GRIN1: variants seen among roughly 807,000 people sequenced by gnomAD.
The protein encoded by GRIN1 is glutamate ionotropic receptor NMDA type subunit 1.
A neutral mutation model predicts 103.0 loss-of-function variants in GRIN1; 38 were observed. The ratio of observed to expected loss-of-function variants is 0.37; its 90% CI spans 0.28 to 0.48. The LOEUF is 0.48. GRIN1 is among the 20% of genes least tolerant of loss of function. The pLI, the probability that GRIN1 is intolerant of heterozygous loss-of-function variation, is 0.98. For synonymous variants in GRIN1, 544 were observed against 532.7 expected (o/e 1.02, Z -0.29); for missense variants, 577 against 1,288.9 (o/e 0.45, Z 8.46).
In GRIN1 at chr9:137,146,888, G is replaced by A. The variant is rs1198034868; in HGVS notation, c.570+986G>A. ...CCAGAGGGCATGGGTCGGGGGTAAA[G>A]CCAGGGGCAGACCAGAGGGTCCTGG... On this transcript the variant is annotated intron_variant, in intron 3 of 19. Transcript: ENST00000371561. This position sits in a 1 kb window ranked among gnomAD's most constrained non-coding sequence, Gnocchi z 6.7. Among the ~76,000 whole-genome samples the A allele has an allele frequency of 2.6e-5, 4 of 152,090 alleles. No individual in the cohort carries two copies. Among genetic ancestry groups the A allele is most frequent in the Non-Finnish European group, 4.4e-5 (3 of 67,982 alleles).
intron 18 of GRIN1, chr9:137,164,778 C>T: frequency 3.8e-6 from 1 of 260,922 alleles, no homozygotes; most frequent in Non-Finnish European, 7.5e-6. Context: ...GCCCTCGGCC[C>T]CTTCCTGAAT....
In GRIN1 at chr9:137,167,509, C is replaced by T. The variant is rs201012245; in HGVS notation, c.2799C>T (p.Ser933=). 3.3e-4 allele frequency: 519 copies of T among 1,554,878 alleles called. No individual in the cohort carries two copies. Among genetic ancestry groups the T allele is most frequent in the Admixed American group, 8.1e-4 (42 of 51,860 alleles). Residue 933 remains serine, a synonymous_variant, in exon 20 of 20, where the codon TCC becomes TCT. Transcript: ENST00000371561. ...EREEGQLQLC[S]RHRES ...AGGAGGGCCAGCTGCAGCTGTGTTC[C>T]CGTCATAGGGAGAGCTGAGACTCCC... is the stretch of plus-strand genomic sequence containing the variant.
At chr9:137,154,432 C>CTTTTTTTTTTTT (rs543160973) in intron 4 of GRIN1, among the ~76,000 whole-genome samples, 1 of 42,960 alleles carries the variant, frequency 2.3e-5, no homozygotes, top group African/African-American at 9.4e-5. Flanking sequence ...GCTCCAACAA[C>CTTTTTTTTTTTT]TTTTTTTTTT....
chr9:137,165,529 C>T (rs1833824602), intron 19 of GRIN1: 2 of 565,820 alleles, frequency 3.5e-6, no homozygotes, highest in Non-Finnish European at 6.4e-6. Flanking sequence ...CGTTAGTCTG[C>T]CCGCCCACCT....
intron 2 of GRIN1, among the ~76,000 whole-genome samples, chr9:137,142,793 G>A (rs545745992): frequency 1.5e-4 from 23 of 152,350 alleles, no homozygotes; most frequent in African/African-American, 5.5e-4. Context: ...CAATGTCTGT[G>A]GTTGCAGCTC....
chr9:137,162,105 T>TG lies in GRIN1; in HGVS notation c.1632+19dup. ...GTCAAGAAGGTGGGCAGGGGCCGGG[T>TG]GGCGGGGTGGCGGCGGGGGGAGTCC... On this transcript the variant is annotated intron_variant, in intron 11 of 19. Coordinates refer to ENST00000371561, the MANE Select transcript of GRIN1 (RefSeq NM_007327.4). 2 of 291,518 alleles carry TG rather than the reference T, an allele frequency of 6.9e-6. No individual in the cohort carries two copies. The highest frequency in any genetic ancestry group is 6.6e-6 in the Non-Finnish European group (1 of 151,390). The allele number at this position is 291,518 out of a possible 1,614,324, so 18.1% of individuals were successfully genotyped here.
At chr9:137,143,946 A>C (rs927507217) in intron 2 of GRIN1, among the ~76,000 whole-genome samples, 1 of 152,242 alleles carries the variant, frequency 6.6e-6, no homozygotes, top group Non-Finnish European at 1.5e-5. Context: ...TGGCAGCTTG[A>C]AGCCAGGAAA....
chr9:137,150,914 C>A (rs1832833217), intron 4 of GRIN1, among the ~76,000 whole-genome samples: 1 of 137,208 alleles, frequency 7.3e-6, no homozygotes, highest in Non-Finnish European at 1.6e-5. Context: ...AAGCCCTGCC[C>A]AGCGAAAGCC....
chr9:137,147,206 C>T (rs1187428213), intron 3 of GRIN1, among the ~76,000 whole-genome samples: 1 of 152,130 alleles, frequency 6.6e-6, no homozygotes, highest in African/African-American at 2.4e-5. Context: ...ACACTCCACA[C>T]CTCTGGCCAC....
rs559925243 is a variant in GRIN1, at chr9:137,168,587, G to C, written c.*1060G>C. On this transcript the variant is annotated 3_prime_UTR_variant, in exon 20 of 20. Transcript: ENST00000371561. The stretch of plus-strand genomic sequence containing the variant: ...CCGCCCTCGCTCCGGGTGCGTGACC[G>C]GCCCGCCACCTTGTACAGAACCAGC... The C allele has an allele frequency of 3.3e-6, 1 of 304,750 alleles. No homozygotes were observed. Among genetic ancestry groups the C allele is most frequent in the South Asian group, 1.6e-4 (1 of 6,352 alleles). 18.9% of individuals were successfully genotyped at this position (304,750 alleles called of 1,614,324 possible).
chr9:137,149,090 G>T lies in GRIN1; in HGVS notation c.652G>T (p.Val218Phe). The T allele has an allele frequency of 6.2e-7, 1 of 1,611,116 alleles. No individual in the cohort carries two copies. The highest frequency in any genetic ancestry group is 8.5e-7 in the Non-Finnish European group (1 of 1,178,266). Residue 218 changes from valine to phenylalanine, a missense_variant, in exon 4 of 20, where the codon GTC becomes TTC. By Grantham distance (50) the Val-to-Phe change is conservative (BLOSUM62 -1). Around this residue, in one of 9 missense-constraint regions of GRIN1, gnomAD observed 308 missense variants for 553.6 expected, o/e 0.56. Coordinates refer to ENST00000371561, the MANE Select transcript of GRIN1 (RefSeq NM_007327.4). ...LMEAKELEARVIILSASEDDA... is the reference protein window; with the variant it reads ...LMEAKELEARFIILSASEDDA... ...GGAGGCGAAAGAGCTGGAGGCCCGG[G>T]TCATCATCCTTTCTGCCAGGTGAGG...
intron 4 of GRIN1, among the ~76,000 whole-genome samples, chr9:137,150,825 C>T (rs960446831): frequency 2.7e-5 from 3 of 111,474 alleles, no homozygotes; most frequent in East Asian, 3.0e-4. Flanking sequence ...CCAGAAAAGA[C>T]CCGCCCAGGA....
At chr9:137,144,474 G>GA in intron 2 of GRIN1, among the ~76,000 whole-genome samples, 1 of 151,966 alleles carries the variant, frequency 6.6e-6, no homozygotes, top group Non-Finnish European at 1.5e-5. Context: ...CTAATACGGT[G>GA]AAACCCCATC....
intron 18 of GRIN1, chr9:137,164,514 C>T (rs1049149034): frequency 1.2e-5 from 2 of 173,806 alleles, no homozygotes; most frequent in Non-Finnish European, 2.5e-5. Flanking sequence ...CGTCTCTTCT[C>T]TTTCTCTGGG....
chr9:137,160,937 T>G (rs1222004357), intron 8 of GRIN1, 119 bp from the exon 9 acceptor site: 11 of 1,179,118 alleles, frequency 9.3e-6, no homozygotes, highest in Admixed American at 4.1e-5. Flanking sequence ...GGGCGGGGGG[T>G]GTGAGGGGTG....
chr9:137,147,800 G>C (rs1832632979), intron 3 of GRIN1, among the ~76,000 whole-genome samples: 1 of 152,260 alleles, frequency 6.6e-6, no homozygotes, highest in African/African-American at 2.4e-5. Flanking sequence ...ACACAGGTTG[G>C]AGTGGGCACT....
intron 4 of GRIN1, among the ~76,000 whole-genome samples, chr9:137,149,439 A>AACAAGGCCCAGGCCTGGGGCCAGGG (rs1312506983): frequency 5.3e-5 from 8 of 152,380 alleles, no homozygotes; most frequent in Admixed American, 2.0e-4. Context: ...AACCTGTGCA[A>AACAAGGCCCAGGCCTGGGGCCAGGG]ACAAGGCCCA....
At position 137,146,791 on chromosome 9, in the gene GRIN1, G is replaced by A. The variant is rs781184459; in HGVS notation, c.570+889G>A. ...CTATGGGTGGCTGGGAGCATGTTTC[G>A]TGTCAGAGCTGGCTTCATCGGACTT... On this transcript the variant is annotated intron_variant, in intron 3 of 19. Transcript: ENST00000371561. The surrounding 1 kb of genome is among the most constrained non-coding windows in gnomAD (Gnocchi z 6.7). Among the ~76,000 whole-genome samples, 12 of 152,134 alleles carry A rather than the reference G, an allele frequency of 7.9e-5. No homozygotes were observed. The highest frequency in any genetic ancestry group is 2.9e-4 in the African/African-American group (12 of 41,406).
intron 3 of GRIN1, chr9:137,148,274 G>A (rs896323479): frequency 1.4e-5 from 15 of 1,069,378 alleles, no homozygotes; most frequent in African/African-American, 6.3e-5. Flanking sequence ...TCGGCGCCTC[G>A]GCCACTAGGG....
Sources: allele counts gnomAD v4.1 joint callset (sites outside exome capture counted in the v4.1 genomes callset), GRCh38; gene constraint gnomAD v4.1.1; regional missense constraint gnomAD v4.1.1; non-coding constraint Gnocchi (gnomAD v3.1); transcripts MANE v1.5; gene names NCBI Gene and HGNC (gene_info 2026-07-23, HGNC 2026-07-21).